Variants in CYB5R2 observed in about 807,000 individuals in gnomAD.
CYB5R2 encodes cytochrome b5 reductase 2, also known as NADH-cytochrome b5 reductase 2.
CYB5R2 carries 35 observed loss-of-function variants against 29.8 expected under a neutral mutation model. The observed-to-expected ratio is 1.17, with a 90% CI of 0.90 to 1.56. The LOEUF is 1.56. Ranked by LOEUF, CYB5R2 falls within the 40% of genes most tolerant of loss-of-function variation. The probability of loss-of-function intolerance (pLI) is 0.00; values close to 1 mark genes in which losing one functional copy is unlikely to be tolerated. For missense variants in CYB5R2, 419 were observed against 346.7 expected (o/e 1.21, Z -1.66); for synonymous variants, 169 against 130.6 (o/e 1.29, Z -2.01).
Position 7,668,518 on chromosome 11 carries a change from T to C in CYB5R2, c.432A>G (p.Lys144=), listed in dbSNP as rs745371496. 4.3e-6 allele frequency: 7 copies of C among 1,614,100 alleles called. No individual in the cohort carries two copies. In the South Asian group the frequency reaches 5.5e-5, roughly 13 times the overall value. Reference sequence around the variant, plus strand: ...TCATTCCCAGGTGATCGGCCAGTGTTTTTTTAGGCTCACTCGTCTGGTCTG... The same window carrying C: ...TCATTCCCAGGTGATCGGCCAGTGTCTTTTTAGGCTCACTCGTCTGGTCTG... ...IRPDQTSEPK[K]TLADHLGMIA... is the part of the protein sequence containing the mutation. The change falls in exon 6 of 9, where the codon AAA becomes AAG. Residue 144 remains lysine (K), a synonymous_variant. Coordinates refer to ENST00000299498, the MANE Select transcript of CYB5R2 (RefSeq NM_016229.5).
Position 7,665,548 on chromosome 11 carries a change from T to C in CYB5R2, c.659-2A>G. On this transcript the variant is annotated splice_acceptor_variant, in intron 8 of 8. Coordinates refer to ENST00000299498, the MANE Select transcript of CYB5R2 (RefSeq NM_016229.5). LOFTEE classifies it high-confidence loss of function. ...CGAAGCCTGAGCTGTACTTCCAGCCTGAAATGAAGGAGATGCAGGAGCAAG... is the reference window on the plus strand; with the variant it reads ...CGAAGCCTGAGCTGTACTTCCAGCCCGAAATGAAGGAGATGCAGGAGCAAG... 1 of 1,598,346 alleles carries C rather than the reference T, an allele frequency of 6.3e-7. No individual in the cohort carries two copies. The highest frequency in any genetic ancestry group is 8.5e-7 in the Non-Finnish European group (1 of 1,173,806).
At chr11:7,671,293 T>G (rs1166182225) in intron 3 of CYB5R2, 1 of 152,372 alleles carries the variant, frequency 6.6e-6, no homozygotes, top group Non-Finnish European at 1.5e-5. Flanking sequence ...TGGCTGGTCC[T>G]TCAAGCCCCA....
intron 4 of CYB5R2, 144 bp downstream of exon 4, chr11:7,669,481 G>T: frequency 1.6e-6 from 2 of 1,238,806 alleles, no homozygotes; most frequent in Non-Finnish European, 2.3e-6. Context: ...AGATGAAGCT[G>T]CCACAAGGTT....
intron 2 of CYB5R2, 65 bp from the exon 3 acceptor site, chr11:7,672,588 G>T: frequency 1.3e-6 from 2 of 1,552,544 alleles, no homozygotes; most frequent in African/African-American, 1.4e-5. Context: ...CAGCTGAGAT[G>T]CCTGGGAAAG....
chr11:7,669,696 CA>C lies in CYB5R2; in HGVS notation c.186del (p.Asn62LysfsTer22). 1.2e-6 allele frequency: 2 copies of C among 1,614,106 alleles called. No homozygotes were observed. Among genetic ancestry groups the C allele is most frequent in the Non-Finnish European group, 1.7e-6 (2 of 1,179,972 alleles). On this transcript the variant is annotated frameshift_variant, in exon 4 of 9. Transcript: ENST00000299498. LOFTEE classifies it high-confidence loss of function. The stretch of plus-strand genomic sequence containing the variant: ...GGGGTGTAAGCCCTGACCACCAATT[CA>C]TTATCGATTTTTGCCAAGAGCTGGA... ...NYVQLLAKID[N>X]ELVVRAYTPV...
At position 7,668,536 on chromosome 11, in the gene CYB5R2, C is replaced by G. The variant is rs370332441; in HGVS notation, c.414G>C (p.Gln138His). 20 of 1,613,868 alleles carry G rather than the reference C, an allele frequency of 1.2e-5. No homozygotes were observed. In the East Asian group the frequency reaches 1.8e-4, roughly 14 times the overall value. ...GPGNLGIRPD[Q>H]TSEPKKTLAD... Reference sequence around the variant, plus strand: ...CCAGTGTTTTTTTAGGCTCACTCGTCTGGTCTGGTCTGATTCCAAGATTCC... The same window carrying G: ...CCAGTGTTTTTTTAGGCTCACTCGTGTGGTCTGGTCTGATTCCAAGATTCC... Residue 138 changes from glutamine to histidine, a missense_variant, in exon 6 of 9, where the codon CAG becomes CAC. Gln to His is a conservative substitution (Grantham distance 24, BLOSUM62 0). Transcript: ENST00000299498.
intron 5 of CYB5R2, 47 bp from the exon 6 acceptor site, chr11:7,668,608 G>C: frequency 6.9e-7 from 1 of 1,451,186 alleles, no homozygotes; most frequent in Middle Eastern, 1.7e-4. Context: ...CTTGCCTAAA[G>C]AGACTGCAAA....
chr11:7,665,349 C>G lies in CYB5R2; in HGVS notation c.*25G>C, dbSNP rs775077733. The G allele has an allele frequency of 8.1e-6, 12 of 1,480,398 alleles. No homozygotes were observed. Among genetic ancestry groups the G allele is most frequent in the Admixed American group, 2.6e-5 (1 of 39,054 alleles). 91.7% of individuals were successfully genotyped at this position (1,480,398 alleles called of 1,614,324 possible). ...TCTGAAACAGATGAAAAGGGACATG[C>G]AAAATTGCTGAGCACGTGGAGGTGT... On this transcript the variant is annotated 3_prime_UTR_variant, in exon 9 of 9. Coordinates refer to ENST00000299498, the MANE Select transcript of CYB5R2 (RefSeq NM_016229.5).
Position 7,665,274 on chromosome 11 carries a change from C to T in CYB5R2, c.*100G>A, listed in dbSNP as rs1018156213. 9 of 1,085,086 alleles carry T rather than the reference C, an allele frequency of 8.3e-6. No individual in the cohort carries two copies. In the African/African-American group the frequency reaches 1.3e-4, roughly 15 times the overall value. 67.2% of individuals were successfully genotyped at this position (1,085,086 alleles called of 1,614,324 possible). ...CCAGTGTGTGCGCGAAGGTACATGG[C>T]AAGGCACTTTTGAAAACATCCCAGT... On this transcript the variant is annotated 3_prime_UTR_variant, in exon 9 of 9. Coordinates refer to ENST00000299498, the MANE Select transcript of CYB5R2 (RefSeq NM_016229.5).
intron 8 of CYB5R2, 74 bp from the exon 9 acceptor site, chr11:7,665,620 C>A: frequency 6.9e-7 from 1 of 1,448,996 alleles, no homozygotes; most frequent in Non-Finnish European, 9.3e-7. Context: ...GCCTGCACAC[C>A]CACCCTCAGC....
intron 3 of CYB5R2, 113 bp from the exon 4 acceptor site, chr11:7,669,844 A>T: frequency 7.8e-6 from 6 of 770,002 alleles, no homozygotes; most frequent in Non-Finnish European, 1.3e-5. Flanking sequence ...CAATGTTAAG[A>T]GGGGTGGGAA....
chr11:7,673,150 G>A, intron 1 of CYB5R2: 1 of 414,270 alleles, frequency 2.4e-6, no homozygotes, highest in Non-Finnish European at 4.4e-6. Context: ...ATGGCCTGGG[G>A]TGCTCAGGTC....
rs771844068 is a variant in CYB5R2, at chr11:7,665,395, C to G, written c.810G>C (p.Gln270His). ...HPNLEKLGYT[Q>H]DMIFTY ...GGTGTTAGTAGGTGAAAATCATGTC[C>G]TGGGTATAACCCAGCTTCTCCAGGT... is the stretch of plus-strand genomic sequence containing the variant. Residue 270 changes from glutamine to histidine, a missense_variant, in exon 9 of 9, where the codon CAG (glutamine) becomes CAC (histidine). By Grantham distance (24) the Gln-to-His change is conservative (BLOSUM62 0). Coordinates refer to ENST00000299498, the MANE Select transcript of CYB5R2 (RefSeq NM_016229.5). The G allele has an allele frequency of 6.3e-7, 1 of 1,588,796 alleles. No individual in the cohort carries two copies. The highest frequency in any genetic ancestry group is 8.6e-7 in the Non-Finnish European group (1 of 1,169,442).
chr11:7,668,639 G>T, intron 5 of CYB5R2, 78 bp from the exon 6 acceptor site: 2 of 1,203,882 alleles, frequency 1.7e-6, no homozygotes, highest in Non-Finnish European at 1.2e-6. Context: ...CATTCCTTAG[G>T]ACTCCCAGGA....
chr11:7,670,963 G>T (rs7931064), intron 3 of CYB5R2: 35,282 of 152,300 alleles, frequency 0.23, 5,232 homozygotes, highest in African/African-American at 0.43. Flanking sequence ...GGAACAGAGA[G>T]ATGGATAGAA....
chr11:7,665,461 C>A lies in CYB5R2; in HGVS notation c.744G>T (p.Val248=). ...PPPAKSTLIL[V]CGPPPLIQTA... ...TCTGGATTAGTGGTGGCGGGCCACACACCAGGATGAGCGTGGACTTCGCTG... is the reference window on the plus strand; with the variant it reads ...TCTGGATTAGTGGTGGCGGGCCACAAACCAGGATGAGCGTGGACTTCGCTG... Residue 248 remains valine (V), a synonymous_variant, in exon 9 of 9, where the codon GTG becomes GTT. Coordinates refer to ENST00000299498, the MANE Select transcript of CYB5R2 (RefSeq NM_016229.5). The A allele has an allele frequency of 1.2e-6, 2 of 1,613,930 alleles. No homozygotes were observed. Among genetic ancestry groups the A allele is most frequent in the Non-Finnish European group, 1.7e-6 (2 of 1,179,932 alleles).
chr11:7,665,620 CCACCCTCAGCCAGGGAGGA>C (rs1366982495), intron 8 of CYB5R2, 74 bp from the exon 9 acceptor site: 2 of 1,448,878 alleles, frequency 1.4e-6, no homozygotes, highest in Admixed American at 4.5e-5. Context: ...GCCTGCACAC[CCACCCTCAGCCAGGGAGGA>C]GGTGACAAGC....
At position 7,668,953 on chromosome 11, in the gene CYB5R2, A is replaced by G. The variant is rs757875432; in HGVS notation, c.388+252T>C. ...TATTAGCAGGCACCATTTATGTATC[A>G]GGCATTGTGCTGGAGATTTTGATAC... is the stretch of plus-strand genomic sequence containing the variant. On this transcript the variant is annotated intron_variant, in intron 5 of 8. Transcript: ENST00000299498. 6.2e-6 allele frequency: 4 copies of G among 640,170 alleles called. No individual in the cohort carries two copies. The South Asian group carries it at 6.7e-5, about 11-fold the overall frequency. The allele number at this position is 640,170 out of a possible 1,614,324, so 39.7% of individuals were successfully genotyped here.
intron 3 of CYB5R2, chr11:7,671,384 C>CA (rs1449593484): frequency 6.6e-6 from 1 of 152,278 alleles, no homozygotes. Context: ...CCAGAGGCCT[C>CA]TACATTACCT....
Sources: allele counts gnomAD v4.1 joint callset, GRCh38; gene constraint gnomAD v4.1.1; transcripts MANE v1.5; gene names NCBI Gene and HGNC (gene_info 2026-07-23, HGNC 2026-07-21).